Variants in EYS observed in about 807,000 individuals in gnomAD.
EYS encodes the protein protein eyes shut homolog.
A neutral mutation model predicts 282.1 loss-of-function variants in EYS; 250 were observed. That is an observed-to-expected ratio of 0.89 (90% CI 0.80 to 0.98). The LOEUF (loss-of-function observed/expected upper bound fraction) is 0.98. Among genes scored for constraint, EYS ranks in the 50% least tolerant of loss-of-function variants. The probability of loss-of-function intolerance (pLI) is 0.00; values close to 1 mark genes in which losing one functional copy is unlikely to be tolerated. For missense variants in EYS, 4,016 were observed against 3,709.0 expected, an observed-to-expected ratio of 1.08 and a Z score of -2.15; for synonymous variants, 1,355 against 1,282.9, an observed-to-expected ratio of 1.06 and a Z score of -1.20.
chr6:63,725,614 A>G (rs1302963245), intron 42 of EYS, among the ~76,000 whole-genome samples: 1 of 152,084 alleles, frequency 6.6e-6, no homozygotes, highest in East Asian at 1.9e-4. Flanking sequence ...TCTGAGCTGT[A>G]TTTTATAGCT....
chr6:65,027,688 C>T (rs768233425), intron 13 of EYS, among the ~76,000 whole-genome samples: 3 of 152,058 alleles, frequency 2.0e-5, no homozygotes, highest in East Asian at 1.9e-4. Context: ...GCTTCTTTCA[C>T]GTAAGAAAAT....
At chr6:64,642,259 T>A (rs1768182521) in intron 22 of EYS, among the ~76,000 whole-genome samples, 1 of 152,200 alleles carries the variant, frequency 6.6e-6, no homozygotes, top group Admixed American at 6.5e-5. Context: ...TTGTTTTAAA[T>A]TTCATTCGTA....
At chr6:63,925,954 G>T (rs1764704871) in intron 35 of EYS, among the ~76,000 whole-genome samples, 1 of 152,110 alleles carries the variant, frequency 6.6e-6, no homozygotes. Flanking sequence ...CTGTCATCTA[G>T]GTTTTAAGCA....
intron 5 of EYS, among the ~76,000 whole-genome samples, chr6:65,479,788 CAAAATGTGTTTT>C (rs1765539848): frequency 6.6e-6 from 1 of 152,052 alleles, no homozygotes; most frequent in Non-Finnish European, 1.5e-5. Flanking sequence ...ACAAAACATA[CAAAATGTGTTTT>C]AAAATGATAA....
chr6:65,595,494 A>T (rs1258139762), intron 2 of EYS, among the ~76,000 whole-genome samples: 1 of 152,024 alleles, frequency 6.6e-6, no homozygotes, highest in East Asian at 1.9e-4. Flanking sequence ...TCCATCATTC[A>T]CATAACCTTA....
intron 15 of EYS, among the ~76,000 whole-genome samples, chr6:64,932,386 C>A (rs1420606896): frequency 1.3e-5 from 2 of 151,996 alleles, no homozygotes; most frequent in South Asian, 2.1e-4. Context: ...TTATAAAAAA[C>A]CATATATCTA....
intron 12 of EYS, among the ~76,000 whole-genome samples, chr6:65,161,630 T>C (rs185973000): frequency 6.6e-6 from 1 of 151,202 alleles, no homozygotes; most frequent in Admixed American, 6.6e-5. Flanking sequence ...AAATTCTAAA[T>C]TGTTTCCCCT....
chr6:64,198,857 G>A (rs889124104), intron 31 of EYS, among the ~76,000 whole-genome samples: 1 of 152,140 alleles, frequency 6.6e-6, no homozygotes, highest in African/African-American at 2.4e-5. Flanking sequence ...TGAGATTGCT[G>A]GGTCAAAGGG....
chr6:64,193,603 A>C (rs776298784), intron 31 of EYS, among the ~76,000 whole-genome samples: 35 of 151,928 alleles, frequency 2.3e-4, no homozygotes, highest in Non-Finnish European at 4.6e-4. Flanking sequence ...TGCACCCGTT[A>C]ACTCATCATT....
At chr6:63,845,618 A>G (rs972640274) in intron 36 of EYS, among the ~76,000 whole-genome samples, 1 of 152,192 alleles carries the variant, frequency 6.6e-6, no homozygotes. Flanking sequence ...TTTGGGATGT[A>G]ATGATTTCTA....
intron 22 of EYS, chr6:64,733,866 C>T (rs1401896486): frequency 6.3e-6 from 1 of 158,104 alleles, no homozygotes; most frequent in Non-Finnish European, 1.4e-5. Context: ...CTGACTTAGT[C>T]TCACTCATAT....
intron 13 of EYS, among the ~76,000 whole-genome samples, chr6:65,055,878 C>A (rs1773397138): frequency 6.6e-6 from 1 of 152,044 alleles, no homozygotes; most frequent in African/African-American, 2.4e-5. Flanking sequence ...AATTGTCAGA[C>A]TTCTCCACTG....
At chr6:65,231,525 A>T (rs1303924395) in intron 12 of EYS, among the ~76,000 whole-genome samples, 1 of 151,794 alleles carries the variant, frequency 6.6e-6, no homozygotes, top group Non-Finnish European at 1.5e-5. Flanking sequence ...GATGGCTCAA[A>T]GCCAATAAAG....
intron 22 of EYS, among the ~76,000 whole-genome samples, chr6:64,737,977 T>C (rs750761218): frequency 6.6e-6 from 1 of 152,226 alleles, no homozygotes; most frequent in African/African-American, 2.4e-5. Context: ...CTCAAAGCCA[T>C]GGTTCCTTTT....
intron 23 of EYS, among the ~76,000 whole-genome samples, chr6:64,619,189 G>A (rs1273170495): frequency 6.6e-6 from 1 of 152,062 alleles, no homozygotes; most frequent in Non-Finnish European, 1.5e-5. Context: ...AGTGTATTTT[G>A]TATTTTTTAT....
intron 30 of EYS, among the ~76,000 whole-genome samples, chr6:64,268,825 T>C (rs1478886600): frequency 6.6e-6 from 1 of 151,828 alleles, no homozygotes; most frequent in Non-Finnish European, 1.5e-5. Context: ...CCTGAGGAGG[T>C]TGTATTTGGA....
intron 22 of EYS, among the ~76,000 whole-genome samples, chr6:64,634,739 G>A (rs545723823): frequency 2.0e-5 from 3 of 151,800 alleles, no homozygotes; most frequent in South Asian, 4.2e-4. Flanking sequence ...AATGAAGAAG[G>A]GAATTTAATA....
rs146580638 is a variant in EYS, at chr6:64,544,003, A to G, written c.5644+46220T>C. 1.5e-3 allele frequency among the ~76,000 whole-genome samples: 224 copies of G among 152,346 alleles called. 2 individuals are homozygous for G. Among genetic ancestry groups the G allele is most frequent in the African/African-American group, 5.1e-3 (211 of 41,588 alleles). ...TCAGATTATTTAATTTCTTATTCAT[A>G]GAAAGAATATGTTGGATGTATAAAA... On this transcript the variant is annotated intron_variant, in intron 26 of 42. Transcript: ENST00000503581.
intron 30 of EYS, among the ~76,000 whole-genome samples, chr6:64,259,894 T>C (rs374147242): frequency 6.6e-6 from 1 of 152,062 alleles, no homozygotes; most frequent in Non-Finnish European, 1.5e-5. Context: ...ATTATTTCAA[T>C]ATTTTATCTG....
Sources: gnomAD v4.1 joint callset for allele counts (sites outside exome capture counted in the v4.1 genomes callset) on GRCh38, gnomAD v4.1.1 for gene constraint, MANE v1.5 for transcripts, NCBI Gene and HGNC (gene_info 2026-07-23, HGNC 2026-07-21) for gene names.